Variants in STAMBPL1 observed in about 807,000 individuals in gnomAD.
STAMBPL1 encodes the protein AMSH-like protease.
A neutral mutation model predicts 52.9 loss-of-function variants in STAMBPL1; 44 were observed. That is an observed-to-expected ratio of 0.83 (90% CI 0.65 to 1.07). The LOEUF (loss-of-function observed/expected upper bound fraction) is 1.07, where lower values mean the gene tolerates loss of function less well. Ranked by LOEUF, STAMBPL1 falls within the 50% of genes least tolerant of loss-of-function variation. The pLI is 0.00. For missense variants in STAMBPL1, 511 were observed against 520.8 expected (o/e 0.98, Z 0.18); for synonymous variants, 164 against 177.3 (o/e 0.92, Z 0.60).
chr10:88,898,720 A>G (rs1844870873), intron 1 of STAMBPL1, among the ~76,000 whole-genome samples: 1 of 152,202 alleles, frequency 6.6e-6, no homozygotes, highest in Admixed American at 6.5e-5. Context: ...AGCTCATTAC[A>G]GAGATGTTTG....
intron 9 of STAMBPL1, among the ~76,000 whole-genome samples, chr10:88,922,135 T>C (rs1282111490): frequency 6.6e-6 from 1 of 152,068 alleles, no homozygotes; most frequent in Non-Finnish European, 1.5e-5. Context: ...TCCTGCAGGC[T>C]CTTAGCAGCA....
intron 5 of STAMBPL1, chr10:88,912,325 C>G (rs1214221871): frequency 6.6e-6 from 1 of 152,202 alleles, no homozygotes; most frequent in African/African-American, 2.4e-5. Flanking sequence ...TAGTTTCTAT[C>G]AAAATCACCT....
intron 8 of STAMBPL1, among the ~76,000 whole-genome samples, chr10:88,920,501 A>G (rs192295524): frequency 1.2e-4 from 18 of 152,354 alleles, no homozygotes; most frequent in Admixed American, 4.6e-4. Flanking sequence ...CATGATTAAA[A>G]TAGTCACATT....
intron 1 of STAMBPL1, among the ~76,000 whole-genome samples, chr10:88,900,136 T>C (rs17114024): frequency 0.054 from 8,217 of 152,238 alleles, 570 homozygotes; most frequent in African/African-American, 0.16. Flanking sequence ...GGGGAAAGAC[T>C]GGAATACAAG....
intron 8 of STAMBPL1, among the ~76,000 whole-genome samples, chr10:88,919,936 A>G (rs1564635416): frequency 6.6e-6 from 1 of 152,014 alleles, no homozygotes; most frequent in African/African-American, 2.4e-5. Flanking sequence ...CCCTGGCTCA[A>G]GCGCTCCTCT....
chr10:88,923,184 T>A lies in STAMBPL1; in HGVS notation c.1271T>A (p.Leu424Ter). 1 of 1,605,910 alleles carries A rather than the reference T, an allele frequency of 6.2e-7. No homozygotes were observed. Among genetic ancestry groups the A allele is most frequent in the South Asian group, 1.1e-5 (1 of 89,052 alleles). Residue 424 changes from leucine to a stop codon, truncating the protein, a stop_gained, in exon 11 of 11, where the codon TTG (leucine) becomes TAG (stop). Transcript: ENST00000371926. LOFTEE classifies it high-confidence loss of function. The stretch of plus-strand genomic sequence containing the variant: ...CTTTCCTAGATATGCAAACATGTGT[T>A]GGTAAAAGACATAAAAATAATTGTG... ...PRLFSICKHV[L>*]VKDIKIIVLD... is the part of the protein sequence containing the mutation.
chr10:88,900,256 T>G (rs993890493), intron 1 of STAMBPL1, among the ~76,000 whole-genome samples: 3 of 152,158 alleles, frequency 2.0e-5, no homozygotes, highest in African/African-American at 7.2e-5. Flanking sequence ...ATATTATAAC[T>G]GAAAGGAATC....
At chr10:88,920,538 A>C (rs1223677537) in intron 8 of STAMBPL1, among the ~76,000 whole-genome samples, 1 of 152,202 alleles carries the variant, frequency 6.6e-6, no homozygotes, top group Non-Finnish European at 1.5e-5. Context: ...ATTAGGGTTT[A>C]ATATGAATTT....
At position 88,916,821 on chromosome 10, in the gene STAMBPL1, C is replaced by T. The variant is rs371219050; in HGVS notation, c.1041+4C>T. The T allele has an allele frequency of 1.7e-5, 26 of 1,555,990 alleles. No individual in the cohort carries two copies. Among genetic ancestry groups the T allele is most frequent in the African/African-American group, 2.8e-5 (2 of 72,486 alleles). On this transcript the variant is annotated splice_donor_region_variant and intron_variant, in intron 8 of 10. Coordinates refer to ENST00000371926, the MANE Select transcript of STAMBPL1 (RefSeq NM_020799.4). ...CCTCACTCTAGGATGGATCCATGTA[C>T]GTTTGACCTTTTGGGTTTCAGTTTT...
At chr10:88,897,286 T>G (rs777064246) in intron 1 of STAMBPL1, among the ~76,000 whole-genome samples, 2 of 152,176 alleles carry the variant, frequency 1.3e-5, no homozygotes, top group African/African-American at 2.4e-5. Flanking sequence ...TTGGCCTCCA[T>G]GTGCTCATTG....
chr10:88,922,476 G>T, intron 10 of STAMBPL1, 40 bp downstream of exon 10: 1 of 1,567,732 alleles, frequency 6.4e-7, no homozygotes, highest in Non-Finnish European at 8.8e-7. Context: ...GGTATTTCTT[G>T]TTCACTGCCC....
At chr10:88,893,498 T>C (rs1356239164) in intron 1 of STAMBPL1, among the ~76,000 whole-genome samples, 1 of 152,088 alleles carries the variant, frequency 6.6e-6, no homozygotes, top group Non-Finnish European at 1.5e-5. Flanking sequence ...TCCCAGTACT[T>C]TGGGAGGCCG....
At position 88,913,410 on chromosome 10, in the gene STAMBPL1, C is replaced by T. The variant is rs1257765689; in HGVS notation, c.730C>T (p.Pro244Ser). 2 of 1,613,668 alleles carry T rather than the reference C, an allele frequency of 1.2e-6. No individual in the cohort carries two copies. Among genetic ancestry groups the T allele is most frequent in the Middle Eastern group, 1.7e-4 (1 of 6,054 alleles). Residue 244 changes from proline to serine, a missense_variant, in exon 6 of 11, where the codon CCT becomes TCT. This residue lies in a region of STAMBPL1 where 358 missense variants were observed against 343.5 expected (regional missense o/e 1.04). Coordinates refer to ENST00000371926, the MANE Select transcript of STAMBPL1 (RefSeq NM_020799.4). ...DATNYASHSP[P>S]VNRALTPAAT... is the part of the protein sequence containing the mutation. ...AACCAATTATGCTAGCCACTCTCCT[C>T]CTGTAAACAGGGCCTTAACGCCAGC...
intron 1 of STAMBPL1, among the ~76,000 whole-genome samples, chr10:88,894,486 G>A (rs776124550): frequency 5.3e-5 from 8 of 152,142 alleles, no homozygotes; most frequent in Non-Finnish European, 1.2e-4. Context: ...GGCATTTTGA[G>A]CAGCAAAATT....
intron 1 of STAMBPL1, among the ~76,000 whole-genome samples, chr10:88,892,545 A>G (rs1214779345): frequency 2.0e-5 from 3 of 152,206 alleles, no homozygotes; most frequent in Non-Finnish European, 4.4e-5. Context: ...ACCACTTGCT[A>G]ACAACTTTGC....
intron 1 of STAMBPL1, among the ~76,000 whole-genome samples, chr10:88,896,362 A>G (rs1430082912): frequency 3.3e-5 from 5 of 152,220 alleles, no homozygotes; most frequent in African/African-American, 1.2e-4. Context: ...ACTGTGACTC[A>G]GGAGATCCTT....
At chr10:88,898,629 G>A (rs1409130092) in intron 1 of STAMBPL1, among the ~76,000 whole-genome samples, 3 of 152,206 alleles carry the variant, frequency 2.0e-5, no homozygotes, top group Non-Finnish European at 2.9e-5. Flanking sequence ...ATATTCATAT[G>A]TGGGAGTGAA....
intron 4 of STAMBPL1, among the ~76,000 whole-genome samples, chr10:88,909,804 T>C (rs1229662958): frequency 6.6e-6 from 1 of 152,176 alleles, no homozygotes; most frequent in African/African-American, 2.4e-5. Flanking sequence ...TTTCACCATG[T>C]TGGCCAGGCT....
intron 1 of STAMBPL1, among the ~76,000 whole-genome samples, chr10:88,881,541 C>T (rs1447401398): frequency 1.3e-5 from 2 of 152,096 alleles, no homozygotes; most frequent in African/African-American, 4.8e-5. Flanking sequence ...ACATGAAGTC[C>T]TGGATTTTAA....
Sources: gnomAD v4.1 joint callset for allele counts (sites outside exome capture counted in the v4.1 genomes callset) on GRCh38, gnomAD v4.1.1 for gene constraint, gnomAD v4.1.1 regional missense constraint, MANE v1.5 for transcripts, NCBI Gene and HGNC (gene_info 2026-07-23, HGNC 2026-07-21) for gene names.